Variants in RPTOR observed in about 807,000 individuals in gnomAD.
RPTOR encodes the protein regulatory associated protein of MTOR complex 1.
In RPTOR, 21 loss-of-function variants were observed where a neutral mutation model predicts 169.9. That is an observed-to-expected ratio of 0.12 (90% CI 0.09 to 0.18). RPTOR has a LOEUF of 0.18. Among genes scored for constraint, RPTOR ranks in the 10% least tolerant of loss-of-function variants. The pLI is 1.00. For synonymous variants in RPTOR, 732 were observed against 753.2 expected, an observed-to-expected ratio of 0.97 and a Z score of 0.46; for missense variants, 1,133 against 1,855.9, an observed-to-expected ratio of 0.61 and a Z score of 7.16.
chr17:80,699,416 A>G (rs1409009737), intron 3 of RPTOR, among the ~76,000 whole-genome samples: 88 of 110,414 alleles, frequency 8.0e-4, no homozygotes, highest in African/African-American at 1.3e-3. Flanking sequence ...TAGAGGTGCT[A>G]TGCACAGTGC....
chr17:80,589,072 T>A (rs1720156461), intron 1 of RPTOR, among the ~76,000 whole-genome samples: 1 of 152,250 alleles, frequency 6.6e-6, no homozygotes, highest in South Asian at 2.1e-4. Context: ...AGTCCCTGTG[T>A]GCCCAGGGCA....
At chr17:80,786,441 T>C (rs79071924) in intron 6 of RPTOR, among the ~76,000 whole-genome samples, 1,836 of 152,336 alleles carry the variant, frequency 0.012, 25 homozygotes, top group Middle Eastern at 0.078. Context: ...TGAACATTAA[T>C]TTGTTCTTCA....
Position 80,633,788 on chromosome 17 carries a change from G to T in RPTOR, c.265+7995G>T, listed in dbSNP as rs1772972350. On this transcript the variant is annotated intron_variant, in intron 2 of 33. Transcript: ENST00000306801. This position sits in a 1 kb window ranked among gnomAD's most constrained non-coding sequence, Gnocchi z 4.1. ...TCATGGCCTCCATTTTCATTCAGTG[G>T]ATTTAGAATCCAGTGTTATCCTTTG... Among the ~76,000 whole-genome samples the T allele has an allele frequency of 6.6e-6, 1 of 152,180 alleles. No homozygotes were observed. The highest frequency in any genetic ancestry group is 6.5e-5 in the Admixed American group (1 of 15,276).
intron 13 of RPTOR, among the ~76,000 whole-genome samples, chr17:80,876,267 A>G (rs1486551273): frequency 2.6e-5 from 1 of 38,360 alleles, no homozygotes; most frequent in African/African-American, 1.7e-4. Flanking sequence ...AGCCCGTGCC[A>G]CGCAGGGTGT....
intron 10 of RPTOR, among the ~76,000 whole-genome samples, chr17:80,840,800 G>T (rs559539539): frequency 1.7e-5 from 2 of 118,658 alleles, no homozygotes; most frequent in Non-Finnish European, 3.4e-5. Flanking sequence ...CTCACCGCAC[G>T]GCAGCTCACT....
intron 3 of RPTOR, among the ~76,000 whole-genome samples, chr17:80,670,508 T>C (rs546152289): frequency 1.2e-4 from 18 of 152,208 alleles, no homozygotes; most frequent in Non-Finnish European, 1.6e-4. Flanking sequence ...TTTCTATTTG[T>C]ACCCTATTTT....
chr17:80,674,811 A>AC (rs1567851414), intron 3 of RPTOR, among the ~76,000 whole-genome samples: 13 of 137,224 alleles, frequency 9.5e-5, no homozygotes, highest in African/African-American at 4.1e-4. Context: ...AAAAAAAAAA[A>AC]AAAAAAAAAA....
intron 1 of RPTOR, among the ~76,000 whole-genome samples, chr17:80,574,827 A>T (rs1356956807): frequency 4.1e-5 from 5 of 121,432 alleles, no homozygotes; most frequent in Admixed American, 9.6e-5. Flanking sequence ...AGCTTATTTA[A>T]TTTTTTTTTT....
chr17:80,553,810 C>T (rs960668262), intron 1 of RPTOR, among the ~76,000 whole-genome samples: 6 of 151,686 alleles, frequency 4.0e-5, no homozygotes, highest in African/African-American at 9.7e-5. Flanking sequence ...GGCGCGATCT[C>T]GGCTCACTGC....
chr17:80,703,247 ATTGCCTCGCCGTC>A (rs1183646717), intron 3 of RPTOR, among the ~76,000 whole-genome samples: 1 of 152,080 alleles, frequency 6.6e-6, no homozygotes, highest in Non-Finnish European at 1.5e-5. Context: ...CTTCCTTCTG[ATTGCCTCGCCGTC>A]TGGCAAGCTC....
chr17:80,884,767 G>T (rs750506140), intron 16 of RPTOR, among the ~76,000 whole-genome samples: 4 of 152,186 alleles, frequency 2.6e-5, no homozygotes, highest in Non-Finnish European at 5.9e-5. Flanking sequence ...TTCAGTTCCC[G>T]GGGCAATGCA....
intron 7 of RPTOR, among the ~76,000 whole-genome samples, chr17:80,808,871 A>G (rs1321814591): frequency 6.6e-6 from 1 of 152,174 alleles, no homozygotes; most frequent in Non-Finnish European, 1.5e-5. Context: ...GTTCATTATA[A>G]GTAACAGCCC....
intron 25 of RPTOR, chr17:80,942,155 C>A (rs2292639): frequency 0.57 from 85,957 of 151,626 alleles, 24,596 homozygotes; most frequent in Admixed American, 0.58. Flanking sequence ...CTCCAGGTGG[C>A]GGCGACAGGA....
intron 1 of RPTOR, among the ~76,000 whole-genome samples, chr17:80,588,880 T>A (rs184284604): frequency 1.1e-3 from 170 of 152,352 alleles, no homozygotes; most frequent in African/African-American, 3.7e-3. Flanking sequence ...CTTTTTATGG[T>A]CTCTCTTGAT....
Position 80,643,715 on chromosome 17 carries a change from A to G in RPTOR, c.266-13A>G, listed in dbSNP as rs2065571023. On this transcript the variant is annotated splice_polypyrimidine_tract_variant and intron_variant, in intron 2 of 33. Coordinates refer to ENST00000306801, the MANE Select transcript of RPTOR (RefSeq NM_020761.3). The stretch of plus-strand genomic sequence containing the variant: ...AGACGTAAAGAACTTTCTCTTTTCC[A>G]TTGCTTCCTCAGATCCTCTGTCGAT... The G allele has an allele frequency of 6.2e-7, 1 of 1,608,636 alleles. No homozygotes were observed. The highest frequency in any genetic ancestry group is 1.3e-5 in the African/African-American group (1 of 74,866).
chr17:80,945,626 T>C, intron 25 of RPTOR, 41 bp from the exon 26 acceptor site: 1 of 1,230,566 alleles, frequency 8.1e-7, no homozygotes, highest in Non-Finnish European at 1.2e-6. Context: ...GGGGAAAAGA[T>C]GCTGGCTCCT....
intron 6 of RPTOR, among the ~76,000 whole-genome samples, chr17:80,772,673 A>G (rs1276611454): frequency 6.6e-6 from 1 of 151,290 alleles, no homozygotes; most frequent in Non-Finnish European, 1.5e-5. Context: ...TGTTTCATTC[A>G]CTAAAGCACC....
At chr17:80,805,885 A>G (rs771502519) in intron 7 of RPTOR, among the ~76,000 whole-genome samples, 4 of 152,104 alleles carry the variant, frequency 2.6e-5, no homozygotes, top group Non-Finnish European at 4.4e-5. Context: ...AAGGTGAATT[A>G]TCTCCTGTAA....
At chr17:80,853,678 C>T (rs1387942946) in intron 11 of RPTOR, among the ~76,000 whole-genome samples, 1 of 152,134 alleles carries the variant, frequency 6.6e-6, no homozygotes, top group Non-Finnish European at 1.5e-5. Context: ...GAAGTAATGC[C>T]ATTAAAAGTG....
Sources: allele counts gnomAD v4.1 joint callset (sites outside exome capture counted in the v4.1 genomes callset), GRCh38; gene constraint gnomAD v4.1.1; non-coding constraint Gnocchi (gnomAD v3.1); transcripts MANE v1.5; gene names NCBI Gene and HGNC (gene_info 2026-07-23, HGNC 2026-07-21).